The following C9orf72 variants were observed in gnomAD, a reference collection of about 807,000 sequenced individuals.
The protein encoded by C9orf72 is guanine nucleotide exchange factor C9orf72.
Under a neutral mutation model 51.6 loss-of-function variants are expected in C9orf72, and 44 were observed. The ratio of observed to expected loss-of-function variants is 0.85; its 90% CI spans 0.67 to 1.10. The LOEUF is 1.10. Ranked by LOEUF, C9orf72 falls within the 50% of genes least tolerant of loss-of-function variation. The pLI is 0.00. For missense variants in C9orf72, 607 were observed against 570.6 expected, an observed-to-expected ratio of 1.06 and a Z score of -0.65; for synonymous variants, 213 against 194.2, an observed-to-expected ratio of 1.10 and a Z score of -0.81.
At chr9:27,571,602 C>T (rs1420356884) in intron 1 of C9orf72, among the ~76,000 whole-genome samples, 1 of 152,066 alleles carries the variant, frequency 6.6e-6, no homozygotes, top group African/African-American at 2.4e-5. Context: ...ACTACAGGTG[C>T]ACATCACCAC....
At chr9:27,560,516 A>G in intron 5 of C9orf72, 1 of 703,808 alleles carries the variant, frequency 1.4e-6, no homozygotes, top group Non-Finnish European at 2.0e-6. Context: ...AAAACAGCCC[A>G]ATTAGTCAGT....
At chr9:27,554,485 T>G (rs1820970682) in intron 8 of C9orf72, 1 of 397,428 alleles carries the variant, frequency 2.5e-6, no homozygotes, top group Non-Finnish European at 4.4e-6. Context: ...AGGGCCTACT[T>G]GAGGGTGGGA....
intron 5 of C9orf72, 35 bp from the exon 6 acceptor site, chr9:27,560,334 C>A: frequency 6.6e-7 from 1 of 1,522,190 alleles, no homozygotes; most frequent in South Asian, 1.2e-5. Context: ...AAAACATTGC[C>A]TATAAAACAA....
At chr9:27,568,955 T>G (rs563562963) in intron 1 of C9orf72, among the ~76,000 whole-genome samples, 1 of 152,052 alleles carries the variant, frequency 6.6e-6, no homozygotes, top group Non-Finnish European at 1.5e-5. Context: ...CCTAAAAACC[T>G]TCCAGTGGGA....
In C9orf72 at chr9:27,550,665, T is replaced by C. The variant is rs192859049; in HGVS notation, c.1134A>G (p.Lys378=). ...CAACATTTACCTGATCCAGGAAGGCTTTCACTAGAGTGTCTCTGTGTAAGA... is the reference window on the plus strand; with the variant it reads ...CAACATTTACCTGATCCAGGAAGGCCTTCACTAGAGTGTCTCTGTGTAAGA... The part of the protein sequence containing the change: ...QDVLHRDTLV[K]AFLDQVFQLK... Residue 378 remains lysine (K), a synonymous_variant, in exon 9 of 11, where the codon AAA becomes AAG. Coordinates refer to ENST00000380003, the MANE Select transcript of C9orf72 (RefSeq NM_018325.5). 1.3e-6 allele frequency: 2 copies of C among 1,587,828 alleles called. No individual in the cohort carries two copies. Among genetic ancestry groups the C allele is most frequent in the Middle Eastern group, 1.7e-4 (1 of 5,966 alleles).
At chr9:27,560,195 C>T in intron 6 of C9orf72, 32 bp downstream of exon 6, 1 of 1,426,036 alleles carries the variant, frequency 7.0e-7, no homozygotes, top group Non-Finnish European at 9.7e-7. Context: ...CTTAAAGAGT[C>T]AAATCATTTG....
In C9orf72 at chr9:27,564,115, A is replaced by G. The variant is rs944237064; in HGVS notation, c.504+1416T>C. On this transcript the variant is annotated intron_variant, in intron 3 of 10. Coordinates refer to ENST00000380003, the MANE Select transcript of C9orf72 (RefSeq NM_018325.5). ...CATTCACAGTATCTCAGACATTATC[A>G]GTATAAGTGAATGAATAGCCTCACT... Among the ~76,000 whole-genome samples, 4 of 149,876 alleles carry G rather than the reference A, an allele frequency of 2.7e-5. No individual in the cohort carries two copies. The Admixed American group carries it at 2.7e-4, about 10-fold the overall frequency.
chr9:27,572,996 G>A (rs996307533), intron 1 of C9orf72, among the ~76,000 whole-genome samples: 1 of 152,164 alleles, frequency 6.6e-6, no homozygotes, highest in Non-Finnish European at 1.5e-5. Context: ...GGCAGGGACC[G>A]TCTCGGGTTC....
At chr9:27,568,823 T>C (rs1819526929) in intron 1 of C9orf72, among the ~76,000 whole-genome samples, 1 of 152,038 alleles carries the variant, frequency 6.6e-6, no homozygotes, top group Non-Finnish European at 1.5e-5. Flanking sequence ...TATTTTAGAG[T>C]GCACTCCTTC....
chr9:27,573,206 C>T (rs1031265596), intron 1 of C9orf72, among the ~76,000 whole-genome samples: 2 of 151,940 alleles, frequency 1.3e-5, no homozygotes, highest in East Asian at 3.9e-4. Context: ...TCCCTTGTCC[C>T]TGCGCCGCCG....
chr9:27,573,243 G>A (rs1451909092), intron 1 of C9orf72, among the ~76,000 whole-genome samples, 188 bp downstream of exon 1: 1 of 151,930 alleles, frequency 6.6e-6, no homozygotes, highest in African/African-American at 2.4e-5. Flanking sequence ...CGGGAAGCCC[G>A]GGGCCCGGAT....
intron 5 of C9orf72, chr9:27,560,792 C>T (rs934054907): frequency 1.0e-6 from 1 of 972,372 alleles, no homozygotes; most frequent in Non-Finnish European, 1.2e-6. Flanking sequence ...ATACTTTATA[C>T]TTTTACTTCT....
rs148832592 is a variant in C9orf72 at position 27,547,449 on chromosome 9, C to A, written c.*787G>T. 41 of 152,748 alleles carry A rather than the reference C, an allele frequency of 2.7e-4. No homozygotes were observed. Among genetic ancestry groups the A allele is most frequent in the African/African-American group, 9.6e-4 (40 of 41,574 alleles). 9.5% of individuals were successfully genotyped at this position (152,748 alleles called of 1,614,324 possible). ...AAGGAGAAAAAAGGCACAGGAGGTG[C>A]ACATTTCAATTTGGCTCAAAAATAA... is the stretch of plus-strand genomic sequence containing the variant. On this transcript the variant is annotated 3_prime_UTR_variant, in exon 11 of 11. Coordinates refer to ENST00000380003, the MANE Select transcript of C9orf72 (RefSeq NM_018325.5).
chr9:27,560,399 A>G (rs1280492657), intron 5 of C9orf72, 100 bp from the exon 6 acceptor site: 1 of 843,426 alleles, frequency 1.2e-6, no homozygotes, highest in Admixed American at 3.0e-5. Context: ...AACTCAGAAT[A>G]GCTTTATATG....
At chr9:27,568,009 T>G (rs770596456) in intron 1 of C9orf72, among the ~76,000 whole-genome samples, 2 of 149,994 alleles carry the variant, frequency 1.3e-5, no homozygotes, top group Non-Finnish European at 3.0e-5. Context: ...CCACTCAGTT[T>G]GTGGTGCTTT....
chr9:27,552,537 GTA>G (rs1820930016), intron 8 of C9orf72, among the ~76,000 whole-genome samples: 1 of 24,100 alleles, frequency 4.1e-5, no homozygotes, highest in Non-Finnish European at 9.5e-5. Context: ...TTTTTTTTTT[GTA>G]GAGATGGGGT....
chr9:27,562,582 A>G (rs1819377284), intron 3 of C9orf72, 106 bp from the exon 4 acceptor site: 1 of 499,402 alleles, frequency 2.0e-6, no homozygotes, highest in Non-Finnish European at 3.5e-6. Flanking sequence ...TGATGAAAAT[A>G]CTTCGTAATT....
rs779696375 is a variant in C9orf72 at position 27,565,523 on chromosome 9, G to A, written c.504+8C>T. 1.3e-6 allele frequency: 2 copies of A among 1,572,568 alleles called. No individual in the cohort carries two copies. Among genetic ancestry groups the A allele is most frequent in the South Asian group, 1.1e-5 (1 of 90,068 alleles). On this transcript the variant is annotated splice_region_variant and intron_variant, in intron 3 of 10. Transcript: ENST00000380003. ...AAAAACATTTGACAGTATGCAATTT[G>A]CATATACCTGATCTTCCATTCTCTC...
chr9:27,562,295 T>A (rs10812616), intron 4 of C9orf72, 86 bp downstream of exon 4: 211,085 of 490,826 alleles, frequency 0.43, 46,461 homozygotes, highest in South Asian at 0.49. Flanking sequence ...TCCTTACTAT[T>A]AAAATTAGAA....
Sources: gnomAD v4.1 joint callset for allele counts (sites outside exome capture counted in the v4.1 genomes callset) on GRCh38, gnomAD v4.1.1 for gene constraint, MANE v1.5 for transcripts, NCBI Gene and HGNC (gene_info 2026-07-23, HGNC 2026-07-21) for gene names.